Variants in PRSS55 observed in about 807,000 individuals in gnomAD.
PRSS55 encodes probable serine protease UNQ9391/PRO34284.
A neutral mutation model predicts 23.6 loss-of-function variants in PRSS55; 41 were observed. The ratio of observed to expected loss-of-function variants is 1.74; its 90% CI spans 1.35 to 2.26. The LOEUF is 2.26. Among genes scored for constraint, PRSS55 ranks in the 30% most tolerant of loss-of-function variants. The probability of loss-of-function intolerance (pLI) is 0.00; values close to 1 mark genes in which losing one functional copy is unlikely to be tolerated. For missense variants in PRSS55, 669 were observed against 439.1 expected, an observed-to-expected ratio of 1.52 and a Z score of -4.68; for synonymous variants, 262 against 175.5, an observed-to-expected ratio of 1.49 and a Z score of -3.90.
At chr8:10,542,640 G>A (rs1364444636), downstream of PRSS55, among the ~76,000 whole-genome samples, 1 of 151,944 alleles carries the variant, frequency 6.6e-6, no homozygotes, top group African/African-American at 2.4e-5. Context: ...GGCTGAGGCA[G>A]GTGGATCACC....
chr8:10,533,107 G>T, intron 4 of PRSS55, 59 bp downstream of exon 4: 1 of 1,560,546 alleles, frequency 6.4e-7, no homozygotes, highest in Non-Finnish European at 8.8e-7. Flanking sequence ...AACTGCCAGT[G>T]CAAGGGTATT....
At chr8:10,529,721 C>T in intron 2 of PRSS55, 22 bp downstream of exon 2, 1 of 1,600,064 alleles carries the variant, frequency 6.2e-7, no homozygotes, top group Non-Finnish European at 8.5e-7. Context: ...GGGCCTCCCA[C>T]TGCCACCTCT....
intron 4 of PRSS55, among the ~76,000 whole-genome samples, chr8:10,536,368 G>A (rs1812452749): frequency 6.6e-6 from 1 of 152,174 alleles, no homozygotes; most frequent in Admixed American, 6.5e-5. Flanking sequence ...AATAACAAAT[G>A]TTGGTGAGGT....
At chr8:10,531,709 C>T in intron 3 of PRSS55, 164 bp downstream of exon 3, 1 of 882,298 alleles carries the variant, frequency 1.1e-6, no homozygotes, top group Non-Finnish European at 1.7e-6. Context: ...GCCGAAACCC[C>T]AAGGTGAGAC....
intron 4 of PRSS55, among the ~76,000 whole-genome samples, chr8:10,552,998 C>T (rs1465784172): frequency 6.6e-6 from 1 of 152,228 alleles, no homozygotes; most frequent in Admixed American, 6.5e-5. Context: ...ATAGCCAAGA[C>T]ATGAGATGTG....
intron 4 of PRSS55, 152 bp from the exon 5 acceptor site, chr8:10,538,324 G>T (rs1236317153): frequency 6.3e-6 from 4 of 638,328 alleles, no homozygotes; most frequent in African/African-American, 1.8e-5. Context: ...AGCCAACCTG[G>T]CAGCCACATG....
At chr8:10,527,118 T>G (rs924954717) in intron 1 of PRSS55, among the ~76,000 whole-genome samples, 8 of 152,270 alleles carry the variant, frequency 5.3e-5, no homozygotes, top group African/African-American at 1.4e-4. Flanking sequence ...TCACAAGTTT[T>G]AAATATGATT....
At chr8:10,536,884 G>A (rs59016986) in intron 4 of PRSS55, among the ~76,000 whole-genome samples, 58,222 of 151,946 alleles carry the variant, frequency 0.38, 11,249 homozygotes, top group South Asian at 0.42. Context: ...GGTATGAAGA[G>A]GGTAAGTAAG....
At chr8:10,531,901 T>A (rs1035226735) in intron 3 of PRSS55, among the ~76,000 whole-genome samples, 2 of 152,224 alleles carry the variant, frequency 1.3e-5, no homozygotes, top group Non-Finnish European at 2.9e-5. Context: ...GCATTGGAGA[T>A]TCCCACCCTG....
At chr8:10,542,027 A>G (rs948648054), downstream of PRSS55, among the ~76,000 whole-genome samples, 7 of 152,178 alleles carry the variant, frequency 4.6e-5, no homozygotes, top group Non-Finnish European at 7.3e-5. Context: ...TCCTCCTGCC[A>G]TGGCCTCCCA....
At chr8:10,530,669 C>G (rs1249952689) in intron 2 of PRSS55, among the ~76,000 whole-genome samples, 1 of 151,998 alleles carries the variant, frequency 6.6e-6, no homozygotes, top group Non-Finnish European at 1.5e-5. Context: ...TGCTTTCTGC[C>G]ACACCAGCTC....
rs966182196 is a variant in PRSS55, at chr8:10,545,974, G to T, written c.742-7969G>T. Reference sequence around the variant, plus strand: ...TCCCTGCAGAGCTTCTTGCCAGAGCGCTGTCCTCAGATTACCCTGAGGCTC... The same window carrying T: ...TCCCTGCAGAGCTTCTTGCCAGAGCTCTGTCCTCAGATTACCCTGAGGCTC... On this transcript the variant is annotated intron_variant, in intron 4 of 4. Coordinates refer to the PRSS55 transcript ENST00000522210. 2.0e-5 allele frequency among the ~76,000 whole-genome samples: 3 copies of T among 152,074 alleles called. No individual in the cohort carries two copies. In the South Asian group the frequency reaches 6.2e-4, roughly 32 times the overall value.
In PRSS55 at chr8:10,552,355, G is replaced by A. The variant is rs551025261; in HGVS notation, c.742-1588G>A. Among the ~76,000 whole-genome samples the A allele has an allele frequency of 4.6e-5, 7 of 152,232 alleles. No homozygotes were observed. In the South Asian group the frequency reaches 1.0e-3, roughly 23 times the overall value. ...TTCCTACTTTAATCTACCGAGCACC[G>A]GGTTGAAAAAGCAAAGCTTAGATAT... On this transcript the variant is annotated intron_variant, in intron 4 of 4. Transcript: ENST00000522210.
chr8:10,529,464 A>C (rs372968601), intron 1 of PRSS55, 43 bp from the exon 2 acceptor site: 1 of 1,590,918 alleles, frequency 6.3e-7, no homozygotes, highest in African/African-American at 1.3e-5. Context: ...GATGCTGACT[A>C]AGTGTTTCCC....
At position 10,526,986 on chromosome 8, in the gene PRSS55, TCAGA is replaced by T. The variant is rs200315763; in HGVS notation, c.154+1252_154+1255del. ...CTGAGCACGTGCCATGTTCTGCATC[TCAGA>T]CAGAGAGACAGAGGGCACCCATCAT... is the stretch of plus-strand genomic sequence containing the variant. On this transcript the variant is annotated intron_variant, in intron 1 of 4. Coordinates refer to ENST00000328655, the MANE Select transcript of PRSS55 (RefSeq NM_198464.4). Among the ~76,000 whole-genome samples the T allele has an allele frequency of 3.5e-4, 53 of 152,324 alleles. 1 individual carries two copies. The East Asian group carries it at 6.6e-3, about 19-fold the overall frequency.
chr8:10,550,061 G>C (rs1027297989), intron 4 of PRSS55, among the ~76,000 whole-genome samples: 1 of 152,102 alleles, frequency 6.6e-6, no homozygotes, highest in Non-Finnish European at 1.5e-5. Flanking sequence ...CTGAACTACA[G>C]GTGCGCGCCA....
intron 2 of PRSS55, 61 bp downstream of exon 2, chr8:10,529,760 C>A: frequency 2.7e-6 from 4 of 1,507,202 alleles, no homozygotes; most frequent in African/African-American, 1.4e-5. Flanking sequence ...GGCACCCTCC[C>A]CCTCACCCAC....
At chr8:10,551,258 C>G (rs1812944909) in intron 4 of PRSS55, among the ~76,000 whole-genome samples, 1 of 152,234 alleles carries the variant, frequency 6.6e-6, no homozygotes, top group Non-Finnish European at 1.5e-5. Context: ...TATTTGCCTT[C>G]TTTTCTTCTA....
chr8:10,540,010 A>T (rs1812599507), downstream of PRSS55, among the ~76,000 whole-genome samples: 1 of 152,048 alleles, frequency 6.6e-6, no homozygotes, highest in South Asian at 2.1e-4. Context: ...AGCCAAGCTG[A>T]TGGCGCTCCT....
Sources: allele counts gnomAD v4.1 joint callset (sites outside exome capture counted in the v4.1 genomes callset), GRCh38; gene constraint gnomAD v4.1.1; transcripts MANE v1.5; gene names NCBI Gene and HGNC (gene_info 2026-07-23, HGNC 2026-07-21).